The following COL8A1 variants were observed in gnomAD, a reference collection of about 807,000 sequenced individuals.
COL8A1 encodes the protein collagen type VIII alpha 1 chain.
In COL8A1, 21 loss-of-function variants were observed where a neutral mutation model predicts 42.7. The observed-to-expected ratio is 0.49, with a 90% confidence interval of 0.35 to 0.71. The LOEUF is 0.71. Ranked by LOEUF, COL8A1 falls within the 30% of genes least tolerant of loss-of-function variation. COL8A1 has a pLI of 0.01. For missense variants in COL8A1, 788 were observed against 962.4 expected, an observed-to-expected ratio of 0.82 and a Z score of 2.40; for synonymous variants, 367 against 369.1, an observed-to-expected ratio of 0.99 and a Z score of 0.06.
In COL8A1 at chr3:99,646,434, T is replaced by A. The variant is rs117942269; in HGVS notation, c.-129+7770T>A. On this transcript the variant is annotated intron_variant, in intron 1 of 3. Coordinates refer to ENST00000652472, the MANE Select transcript of COL8A1 (RefSeq NM_020351.4). ...TCTGGGGCAAGGGGCGTGTCACTGA[T>A]CGTCTCTGTGCCTTAATTTATTTAT... 2.5e-4 allele frequency among the ~76,000 whole-genome samples: 38 copies of A among 152,322 alleles called. No homozygotes were observed. In the East Asian group the frequency reaches 7.1e-3, roughly 29 times the overall value.
At chr3:99,705,785 G>T (rs1415570692) in intron 1 of COL8A1, among the ~76,000 whole-genome samples, 1 of 152,114 alleles carries the variant, frequency 6.6e-6, no homozygotes, top group African/African-American at 2.4e-5. Flanking sequence ...CCCCCGGTAT[G>T]ATATTTTTTG....
At chr3:99,700,217 G>A (rs2107345451) in intron 1 of COL8A1, among the ~76,000 whole-genome samples, 1 of 152,100 alleles carries the variant, frequency 6.6e-6, no homozygotes, top group Middle Eastern at 3.4e-3. Context: ...TGCAGAGCAT[G>A]AAATAGCGTG....
intron 1 of COL8A1, chr3:99,675,735 TATTA>T (rs1938673331): frequency 6.6e-6 from 1 of 152,470 alleles, no homozygotes; most frequent in African/African-American, 2.4e-5. Flanking sequence ...ATATTTCAAA[TATTA>T]ATTAGATATT....
chr3:99,775,997 T>G (rs1576472584), intron 2 of COL8A1, among the ~76,000 whole-genome samples: 1 of 152,198 alleles, frequency 6.6e-6, no homozygotes, highest in African/African-American at 2.4e-5. Flanking sequence ...TTAATAGAAA[T>G]TTCAGGCACA....
intron 1 of COL8A1, among the ~76,000 whole-genome samples, chr3:99,733,026 G>A (rs983159071): frequency 4.6e-5 from 7 of 151,538 alleles, no homozygotes; most frequent in Admixed American, 1.3e-4. Flanking sequence ...TCTCATATCC[G>A]GGTCATGCCG....
intron 1 of COL8A1, among the ~76,000 whole-genome samples, chr3:99,651,916 C>T (rs181544990): frequency 1.7e-3 from 258 of 152,310 alleles, no homozygotes; most frequent in Non-Finnish European, 2.8e-3. Flanking sequence ...TAATAAAAGA[C>T]TTTATCCTGC....
At chr3:99,786,616 T>C (rs1324939135) in intron 2 of COL8A1, among the ~76,000 whole-genome samples, 1 of 152,160 alleles carries the variant, frequency 6.6e-6, no homozygotes, top group Non-Finnish European at 1.5e-5. Flanking sequence ...CATTGCTTTT[T>C]CAAAGCACTC....
chr3:99,764,617 T>C (rs1007028973), intron 2 of COL8A1, among the ~76,000 whole-genome samples: 4 of 152,102 alleles, frequency 2.6e-5, no homozygotes, highest in Non-Finnish European at 4.4e-5. Context: ...AAAACCTCTG[T>C]GCCTTGAATG....
rs1376913019 is a variant in COL8A1 at position 99,794,260 on chromosome 3, A to G, written c.359A>G (p.Gln120Arg). 6.2e-7 allele frequency: 1 copy of G among 1,600,464 alleles called. No homozygotes were observed. Among genetic ancestry groups the G allele is most frequent in the South Asian group, 1.1e-5 (1 of 89,726 alleles). The change falls in exon 4 of 4, where the codon CAA becomes CGA. Residue 120 changes from glutamine to arginine, a missense_variant. Around this residue, in one of 4 missense-constraint regions of COL8A1, gnomAD observed 421 missense variants for 553.1 expected, o/e 0.76. Transcript: ENST00000652472. The surrounding 1 kb of genome is among the most constrained non-coding windows in gnomAD (Gnocchi z 4.3). Reference protein sequence around the residue: ...EIPLASLRGEQGPRGEPGPRG... With the variant: ...EIPLASLRGERGPRGEPGPRG... ...CCATTAGCCAGTTTACGAGGGGAAC[A>G]AGGTCCCCGTGGAGAGCCTGGCCCA...
chr3:99,739,668 G>T (rs867015288), intron 1 of COL8A1, among the ~76,000 whole-genome samples: 1 of 152,188 alleles, frequency 6.6e-6, no homozygotes, highest in Non-Finnish European at 1.5e-5. Context: ...TAGCTGGAGA[G>T]GCTGGAACAC....
chr3:99,705,308 G>A (rs770658083), intron 1 of COL8A1, among the ~76,000 whole-genome samples: 5 of 152,158 alleles, frequency 3.3e-5, no homozygotes, highest in Non-Finnish European at 7.4e-5. Context: ...CTGAGGGCCA[G>A]CCTAATGTCC....
intron 1 of COL8A1, among the ~76,000 whole-genome samples, chr3:99,659,736 A>G (rs1319860766): frequency 6.6e-6 from 1 of 152,114 alleles, no homozygotes; most frequent in Admixed American, 6.5e-5. Context: ...CTTTATGATC[A>G]TGTCCATAAT....
At chr3:99,651,390 C>A (rs1166156916) in intron 1 of COL8A1, among the ~76,000 whole-genome samples, 1 of 152,190 alleles carries the variant, frequency 6.6e-6, no homozygotes, top group Non-Finnish European at 1.5e-5. Context: ...AAAAGTAGTT[C>A]TTTATCATAG....
At chr3:99,671,289 G>A (rs748697542) in intron 1 of COL8A1, among the ~76,000 whole-genome samples, 1 of 151,956 alleles carries the variant, frequency 6.6e-6, no homozygotes, top group African/African-American at 2.4e-5. Flanking sequence ...ATTTTTTAAT[G>A]TCTTTGATGA....
At position 99,794,185 on chromosome 3, in the gene COL8A1, C is replaced by T. The variant is rs776029789; in HGVS notation, c.329-45C>T. On this transcript the variant is annotated intron_variant, in intron 3 of 3. Transcript: ENST00000652472. This position sits in a 1 kb window ranked among gnomAD's most constrained non-coding sequence, Gnocchi z 4.3. The stretch of plus-strand genomic sequence containing the variant: ...TGAGAGACAATCTACTAATCAATCT[C>T]TCTCTCTCCCCCCATACCCCTTCTC... 9.5e-6 allele frequency: 12 copies of T among 1,262,290 alleles called. No individual in the cohort carries two copies. The Admixed American group carries it at 2.7e-4, about 28-fold the overall frequency. 78.2% of individuals were successfully genotyped at this position (1,262,290 alleles called of 1,614,324 possible). A position where few individuals can be genotyped will look rare whatever the true frequency, so the allele number is the denominator to read the frequency against.
At chr3:99,769,320 C>T (rs1189812178) in intron 2 of COL8A1, among the ~76,000 whole-genome samples, 1 of 152,226 alleles carries the variant, frequency 6.6e-6, no homozygotes, top group Admixed American at 6.5e-5. Flanking sequence ...ATGGGGCTAA[C>T]CCCTGACATA....
intron 2 of COL8A1, among the ~76,000 whole-genome samples, chr3:99,747,722 T>G (rs1941057338): frequency 6.6e-6 from 1 of 152,252 alleles, no homozygotes; most frequent in Non-Finnish European, 1.5e-5. Context: ...ATAATTTTAC[T>G]GCAGAACATT....
chr3:99,769,250 G>A (rs1018931186), intron 2 of COL8A1, among the ~76,000 whole-genome samples: 1 of 152,164 alleles, frequency 6.6e-6, no homozygotes, highest in Admixed American at 6.5e-5. Context: ...CATATGAAGG[G>A]CATCTAATAA....
At chr3:99,731,489 G>T (rs753306584) in intron 1 of COL8A1, among the ~76,000 whole-genome samples, 1 of 152,098 alleles carries the variant, frequency 6.6e-6, no homozygotes, top group African/African-American at 2.4e-5. Context: ...ATAATGTGGG[G>T]CATAGCAGCC....
Sources: allele counts gnomAD v4.1 joint callset (sites outside exome capture counted in the v4.1 genomes callset), GRCh38; gene constraint gnomAD v4.1.1; regional missense constraint gnomAD v4.1.1; non-coding constraint Gnocchi (gnomAD v3.1); transcripts MANE v1.5; gene names NCBI Gene and HGNC (gene_info 2026-07-23, HGNC 2026-07-21).